MSTO1: variants seen among roughly 807,000 people sequenced by gnomAD.
MSTO1 encodes the protein protein misato homolog 1.
A neutral mutation model predicts 55.7 loss-of-function variants in MSTO1; 24 were observed. The ratio of observed to expected loss-of-function variants is 0.43; its 90% confidence interval spans 0.31 to 0.61. The LOEUF is 0.61. MSTO1 is among the 20% of genes least tolerant of loss of function. The pLI is 0.09. For synonymous variants in MSTO1, 162 were observed against 252.8 expected (o/e 0.64, Z 3.41); for missense variants, 363 against 625.7 (o/e 0.58, Z 4.48).
At chr1:155,579,748 T>A in the MSTO1 span, among the ~76,000 whole-genome samples, 1 of 152,200 alleles carries the variant, frequency 6.6e-6, no homozygotes, top group South Asian at 2.1e-4. Flanking sequence ...AATGTAGCAC[T>A]GATTTAGTTC....
chr1:155,577,964 C>G, the MSTO1 span, among the ~76,000 whole-genome samples: 1 of 152,050 alleles, frequency 6.6e-6, no homozygotes, highest in East Asian at 1.9e-4. Context: ...AGGCTGGTAT[C>G]GAACTCCTAG....
the MSTO1 span, among the ~76,000 whole-genome samples, chr1:155,569,080 C>A: frequency 6.6e-6 from 1 of 151,944 alleles, no homozygotes; most frequent in African/African-American, 2.4e-5. Flanking sequence ...TCTTGAACTC[C>A]TGACCTCAAA....
Position 155,614,609 on chromosome 1 carries a change from C to T in MSTO1, c.*336C>T. Reference sequence around the variant, plus strand: ...TTTGTCCTTGTCCTGGCCTCCTGCTCTCCAGATCTGTAAACTGGGCTCAAG... The same window carrying T: ...TTTGTCCTTGTCCTGGCCTCCTGCTTTCCAGATCTGTAAACTGGGCTCAAG... On this transcript the variant is annotated 3_prime_UTR_variant, in exon 14 of 14. Transcript: ENST00000245564. 2.7e-6 allele frequency: 2 copies of T among 745,030 alleles called. No individual in the cohort carries two copies. 46.2% of individuals were successfully genotyped at this position (745,030 alleles called of 1,614,324 possible). A position where few individuals can be genotyped will look rare whatever the true frequency, so the allele number is the denominator to read the frequency against.
the MSTO1 span, chr1:155,591,374 T>C: frequency 1.3e-6 from 1 of 798,376 alleles, no homozygotes; most frequent in Non-Finnish European, 2.0e-6. Flanking sequence ...CAAATGCTGT[T>C]TCAGAAACTG....
the MSTO1 span, chr1:155,586,760 A>T: frequency 4.4e-6 from 2 of 453,606 alleles, no homozygotes; most frequent in Non-Finnish European, 8.7e-6. Context: ...TTTTATTATT[A>T]TTTTTTTAAC....
At chr1:155,594,429 A>C in the MSTO1 span, among the ~76,000 whole-genome samples, 1 of 152,212 alleles carries the variant, frequency 6.6e-6, no homozygotes, top group Admixed American at 6.6e-5. Flanking sequence ...ATAAGTAAAT[A>C]AATGGAGAGA....
At chr1:155,580,310 G>T in the MSTO1 span, among the ~76,000 whole-genome samples, 1 of 151,074 alleles carries the variant, frequency 6.6e-6, no homozygotes, top group South Asian at 2.1e-4. Context: ...ACGATCCCTT[G>T]TGCCCAGGAG....
chr1:155,577,853 C>T, the MSTO1 span, among the ~76,000 whole-genome samples: 1 of 152,150 alleles, frequency 6.6e-6, no homozygotes, highest in Non-Finnish European at 1.5e-5. Context: ...TCAAGCGATC[C>T]TCCCACCTCA....
chr1:155,611,552 G>A lies in MSTO1; in HGVS notation c.370G>A (p.Val124Met), dbSNP rs1417067430. ...CGATTTTTCTGACCCCTCCCAGGGA[G>A]TGCTGAGTAGTGATGGTGTCTGGAG... ...YLQDFLSAEG[V>M]LSSDGVWRVK... is the part of the protein sequence containing the mutation. The change falls in exon 5 of 14, where the codon GTG becomes ATG. Residue 124 changes from valine (V) to methionine (M), a missense_variant. Coordinates refer to ENST00000245564, the MANE Select transcript of MSTO1 (RefSeq NM_018116.4). 6 of 1,599,320 alleles carry A rather than the reference G, an allele frequency of 3.8e-6. No individual in the cohort carries two copies. The highest frequency in any genetic ancestry group is 5.1e-6 in the Non-Finnish European group (6 of 1,168,398).
upstream of MSTO1, chr1:155,610,056 A>G (rs984582230): frequency 3.9e-4 from 239 of 614,696 alleles, no homozygotes; most frequent in Non-Finnish European, 5.6e-4. Flanking sequence ...AGGCAACCAC[A>G]GAGAAGCCGG....
At chr1:155,581,050 A>G in the MSTO1 span, among the ~76,000 whole-genome samples, 10 of 152,194 alleles carry the variant, frequency 6.6e-5, no homozygotes, top group African/African-American at 2.2e-4. Context: ...AAATACAAAA[A>G]AATGTCTTTT....
Position 155,612,112 on chromosome 1 carries a change from G to C in MSTO1, c.678+12G>C, listed in dbSNP as rs371395450. On this transcript the variant is annotated intron_variant, in intron 7 of 13. Coordinates refer to ENST00000245564, the MANE Select transcript of MSTO1 (RefSeq NM_018116.4). ...GTGACTACTTGCAGGTAGTGGCGTG[G>C]CAATGTGCACTCCAGGGTGGAAGCT... The C allele has an allele frequency of 6.1e-4, 984 of 1,612,726 alleles. 18 individuals are homozygous for C. In the South Asian group the frequency reaches 0.01, roughly 17 times the overall value.
the MSTO1 span, among the ~76,000 whole-genome samples, chr1:155,565,407 C>T: frequency 2.0e-5 from 3 of 151,946 alleles, no homozygotes; most frequent in Non-Finnish European, 2.9e-5. Flanking sequence ...CAGGGGAACA[C>T]GTATTCCTGT....
the MSTO1 span, among the ~76,000 whole-genome samples, chr1:155,589,974 C>T: frequency 7.4e-6 from 1 of 134,984 alleles, no homozygotes; most frequent in Admixed American, 8.3e-5. Context: ...ACAAAACATG[C>T]TTTATTTGGT....
chr1:155,603,535 A>G, the MSTO1 span, among the ~76,000 whole-genome samples: 1 of 152,186 alleles, frequency 6.6e-6, no homozygotes, highest in Non-Finnish European at 1.5e-5. Context: ...CACGATTAAC[A>G]CACTTCTCCT....
chr1:155,564,976 C>T, the MSTO1 span, among the ~76,000 whole-genome samples: 2 of 152,044 alleles, frequency 1.3e-5, no homozygotes, highest in African/African-American at 4.8e-5. Context: ...AAAAAATTAG[C>T]CGGGCGTGGT....
At chr1:155,606,418 G>A (rs1167052560), upstream of MSTO1, among the ~76,000 whole-genome samples, 1 of 148,486 alleles carries the variant, frequency 6.7e-6, no homozygotes, top group Non-Finnish European at 1.5e-5. Flanking sequence ...CTTTTCAGAC[G>A]GAGTCTCACT....
chr1:155,564,893 G>T, the MSTO1 span, among the ~76,000 whole-genome samples: 1 of 152,096 alleles, frequency 6.6e-6, no homozygotes, highest in Non-Finnish European at 1.5e-5. Context: ...AGGCCAAGGC[G>T]CATGGATCAC....
At chr1:155,575,734 G>A in the MSTO1 span, among the ~76,000 whole-genome samples, 1 of 149,500 alleles carries the variant, frequency 6.7e-6, no homozygotes, top group African/African-American at 2.5e-5. Flanking sequence ...GTGAGCCACT[G>A]CACCTGGCTC....
Sources: gnomAD v4.1 joint callset for allele counts (sites outside exome capture counted in the v4.1 genomes callset) on GRCh38, gnomAD v4.1.1 for gene constraint, MANE v1.5 for transcripts, NCBI Gene and HGNC (gene_info 2026-07-23, HGNC 2026-07-21) for gene names.